The following ANKMY1 variants were observed in gnomAD, a reference collection of about 807,000 sequenced individuals.
ANKMY1 encodes the protein ankyrin repeat and MYND domain-containing protein 1.
ANKMY1 carries 98 observed loss-of-function variants against 102.0 expected under a neutral mutation model. The observed-to-expected ratio is 0.96, with a 90% CI of 0.82 to 1.14. ANKMY1 has a LOEUF of 1.14. Ranked by LOEUF, ANKMY1 falls within the 50% of genes most tolerant of loss-of-function variation. The pLI is 0.00. For missense variants in ANKMY1, 1,330 were observed against 1,347.6 expected (o/e 0.99, Z 0.20); for synonymous variants, 582 against 559.9 (o/e 1.04, Z -0.56).
chr2:240,560,042 A>G (rs1421446893), upstream of ANKMY1: 1 of 152,434 alleles, frequency 6.6e-6, no homozygotes, highest in Non-Finnish European at 1.5e-5. Context: ...AGAAACAGCA[A>G]AAGGAATAGT....
chr2:240,512,708 T>C (rs2152228869), intron 10 of ANKMY1, 94 bp downstream of exon 10: 1 of 1,437,484 alleles, frequency 7.0e-7, no homozygotes, highest in South Asian at 1.5e-5. Flanking sequence ...AGGCCCATCA[T>C]GCTCGGCAAG....
chr2:240,472,229 G>T, the ANKMY1 span, among the ~76,000 whole-genome samples: 225 of 123,702 alleles, frequency 1.8e-3, 1 homozygote, highest in African/African-American at 6.2e-3. Context: ...ACCAATCCAC[G>T]GCCGCACGCG....
intron 15 of ANKMY1, among the ~76,000 whole-genome samples, chr2:240,497,591 A>T (rs1461234594): frequency 4.6e-5 from 7 of 152,182 alleles, no homozygotes; most frequent in Admixed American, 4.6e-4. Context: ...TGTTATGACC[A>T]CAGGAAGGCT....
chr2:240,558,307 G>T (rs2092638550), upstream of ANKMY1: 1 of 152,290 alleles, frequency 6.6e-6, no homozygotes, highest in Non-Finnish European at 1.5e-5. Flanking sequence ...TGATCACCTA[G>T]CACGTGGAGC....
At chr2:240,487,249 G>A (rs80218326) in intron 15 of ANKMY1, among the ~76,000 whole-genome samples, 20,368 of 152,064 alleles carry the variant, frequency 0.13, 1,487 homozygotes, top group Non-Finnish European at 0.16. Context: ...TTTTGTGCCC[G>A]GCTTATTTCA....
At chr2:240,482,811 T>C (rs955802128) in intron 15 of ANKMY1, among the ~76,000 whole-genome samples, 1 of 152,256 alleles carries the variant, frequency 6.6e-6, no homozygotes, top group African/African-American at 2.4e-5. Flanking sequence ...GTAGGTCTAA[T>C]AGGCTTGTAT....
chr2:240,549,745 G>T (rs1184860559), intron 4 of ANKMY1, among the ~76,000 whole-genome samples: 1 of 152,156 alleles, frequency 6.6e-6, no homozygotes, highest in Non-Finnish European at 1.5e-5. Context: ...CATTTATGCA[G>T]CCAAAAAACA....
Position 240,481,043 on chromosome 2 carries a change from G to T in ANKMY1, c.2940C>A (p.Leu980=), listed in dbSNP as rs756727014. 9 of 1,613,808 alleles carry T rather than the reference G, an allele frequency of 5.6e-6. No homozygotes were observed. The highest frequency in any genetic ancestry group is 7.6e-6 in the Non-Finnish European group (9 of 1,179,868). ...TCCCGTAGCAGCGAGGGCAGGGCAAGAGGCGGACCCCGATGGAGCGGCCAC... is the reference window on the plus strand; with the variant it reads ...TCCCGTAGCAGCGAGGGCAGGGCAATAGGCGGACCCCGATGGAGCGGCCAC... ...YQCGRSIGVR[L]LPCPRCYGIL... Residue 980 remains leucine, a synonymous_variant, in exon 17 of 18, where the codon CTC becomes CTA. Transcript: ENST00000401804.
In ANKMY1 at chr2:240,538,485, C is replaced by T. The variant is rs186666273; in HGVS notation, c.481-8976G>A. 7.2e-4 allele frequency among the ~76,000 whole-genome samples: 110 copies of T among 152,288 alleles called. 1 individual carries two copies. The highest frequency in any genetic ancestry group is 2.4e-3 in the African/African-American group (100 of 41,566). ...ACTGCCAGCCCGCCAGCGCTGCACT[C>T]AAATTCTCGTGGGGACTCAGCTGCC... On this transcript the variant is annotated intron_variant, in intron 4 of 17. Transcript: ENST00000401804.
Position 240,507,898 on chromosome 2 carries a change from C to T in ANKMY1, c.2395-207G>A, listed in dbSNP as rs1342803421. Reference sequence around the variant, plus strand: ...AGGATGATGCTGGGCGGGGAGGGGTCCCATGGCTGGTCTGTTAGGGAGGAG... The same window carrying T: ...AGGATGATGCTGGGCGGGGAGGGGTTCCATGGCTGGTCTGTTAGGGAGGAG... On this transcript the variant is annotated intron_variant, in intron 12 of 17. Transcript: ENST00000401804. 2.8e-5 allele frequency: 14 copies of T among 500,660 alleles called. 1 individual carries two copies. Among genetic ancestry groups the T allele is most frequent in the Admixed American group, 4.4e-5 (1 of 22,886 alleles). The allele number at this position is 500,660 out of a possible 1,614,324, so 31.0% of individuals were successfully genotyped here. A position where few individuals can be genotyped will look rare whatever the true frequency, so the allele number is the denominator to read the frequency against.
intron 4 of ANKMY1, among the ~76,000 whole-genome samples, chr2:240,550,591 T>C (rs1470749418): frequency 6.6e-6 from 1 of 152,190 alleles, no homozygotes; most frequent in Non-Finnish European, 1.5e-5. Flanking sequence ...TTTTGGATAT[T>C]AGGCTTCCTG....
chr2:240,500,594 G>A (rs373596212), intron 13 of ANKMY1, 29 bp from the exon 14 acceptor site: 123 of 1,595,500 alleles, frequency 7.7e-5, no homozygotes, highest in South Asian at 1.8e-4. Flanking sequence ...GGTCAAACAC[G>A]CAAGGACATC....
intron 4 of ANKMY1, among the ~76,000 whole-genome samples, chr2:240,531,154 A>G (rs1038811508): frequency 6.6e-6 from 1 of 152,248 alleles, no homozygotes; most frequent in African/African-American, 2.4e-5. Flanking sequence ...CAACATCATT[A>G]GTCACTGGAG....
At chr2:240,552,787 T>A in intron 4 of ANKMY1, 127 bp downstream of exon 4, 1 of 1,449,696 alleles carries the variant, frequency 6.9e-7, no homozygotes, top group Non-Finnish European at 9.5e-7. Flanking sequence ...ATTTTAATCA[T>A]TAAAAGTAAA....
chr2:240,518,028 C>T (rs1028268950), intron 9 of ANKMY1, among the ~76,000 whole-genome samples: 28 of 152,094 alleles, frequency 1.8e-4, no homozygotes, highest in Admixed American at 8.5e-4. Context: ...CCACGACGCC[C>T]CTCCTCAGCA....
At chr2:240,532,489 G>A in intron 4 of ANKMY1, among the ~76,000 whole-genome samples, 1 of 152,164 alleles carries the variant, frequency 6.6e-6, no homozygotes. Context: ...AATTCAGGGA[G>A]AGTGACTCTT....
chr2:240,522,010 G>A (rs760446659), intron 8 of ANKMY1: 3 of 152,364 alleles, frequency 2.0e-5, no homozygotes, highest in Admixed American at 2.0e-4. Context: ...AACTAAGCAG[G>A]TTGTCGCTGC....
chr2:240,520,355 C>T lies in ANKMY1; in HGVS notation c.2004+7G>A. 6.5e-7 allele frequency: 1 copy of T among 1,538,002 alleles called. No homozygotes were observed. The highest frequency in any genetic ancestry group is 8.8e-7 in the Non-Finnish European group (1 of 1,139,326). On this transcript the variant is annotated splice_region_variant and intron_variant, in intron 9 of 17. Transcript: ENST00000401804. This position sits in a 1 kb window ranked among gnomAD's most constrained non-coding sequence, Gnocchi z 4.8. ...TCGTCCCGGCGCCCGCCCGCCGCGG[C>T]TCCTACCTGCGGCGGAAAGCAGATG...
intron 9 of ANKMY1, among the ~76,000 whole-genome samples, chr2:240,516,165 A>G (rs1259052919): frequency 1.8e-5 from 2 of 109,784 alleles, no homozygotes; most frequent in African/African-American, 3.2e-5. Context: ...TTTTTTTTTG[A>G]AATATTTGAA....
Sources: allele counts gnomAD v4.1 joint callset (sites outside exome capture counted in the v4.1 genomes callset), GRCh38; gene constraint gnomAD v4.1.1; non-coding constraint Gnocchi (gnomAD v3.1); transcripts MANE v1.5; gene names NCBI Gene and HGNC (gene_info 2026-07-23, HGNC 2026-07-21).